The following IPO11 variants were observed in gnomAD, a reference collection of about 807,000 sequenced individuals.
The protein encoded by IPO11 is importin 11, also known as importin-11.
IPO11 carries 66 observed loss-of-function variants against 143.2 expected under a neutral mutation model. That is an observed-to-expected ratio of 0.46 (90% confidence interval 0.38 to 0.57). The LOEUF is 0.57. Among genes scored for constraint, IPO11 ranks in the 20% least tolerant of loss-of-function variants. The pLI is 0.00. For missense variants in IPO11, 1,026 were observed against 1,141.0 expected (o/e 0.90, Z 1.45); for synonymous variants, 385 against 377.8 (o/e 1.02, Z -0.22).
chr5:62,473,060 T>C (rs1745837735), intron 7 of IPO11, among the ~76,000 whole-genome samples: 1 of 152,212 alleles, frequency 6.6e-6, no homozygotes, highest in South Asian at 2.1e-4. Context: ...AACCTTTTGC[T>C]GTTTCATTGT....
chr5:62,614,195 C>G (rs1746040905), intron 29 of IPO11, among the ~76,000 whole-genome samples: 1 of 152,196 alleles, frequency 6.6e-6, no homozygotes, highest in African/African-American at 2.4e-5. Flanking sequence ...TTATTTATGA[C>G]TTTCTTTGAA....
At chr5:62,454,838 A>G (rs938112763) in intron 5 of IPO11, among the ~76,000 whole-genome samples, 69 of 152,338 alleles carry the variant, frequency 4.5e-4, no homozygotes, top group Non-Finnish European at 5.9e-4. Flanking sequence ...TGAATGAACA[A>G]TAGAACAGGA....
At chr5:62,566,737 CAAAA>C (rs753040992) in intron 27 of IPO11, among the ~76,000 whole-genome samples, 2 of 64,798 alleles carry the variant, frequency 3.1e-5, no homozygotes, top group African/African-American at 5.0e-5. Context: ...GACTCTGTCT[CAAAA>C]AAAAAAAAAA....
chr5:62,564,820 A>C (rs963332436), intron 27 of IPO11, among the ~76,000 whole-genome samples: 20 of 152,268 alleles, frequency 1.3e-4, no homozygotes, highest in Admixed American at 7.2e-4. Flanking sequence ...ACTCTAACCC[A>C]CTACTTTTGG....
rs985060824 is a variant in IPO11 at position 62,470,121 on chromosome 5, C to T, written c.650-129C>T. On this transcript the variant is annotated intron_variant, in intron 6 of 29. Coordinates refer to ENST00000325324, the MANE Select transcript of IPO11 (RefSeq NM_016338.5). ...CCCACTAATTTCCCAGCCAAATGAC[C>T]AGGAGTTAACTTTCCAACCCAGATT... The T allele has an allele frequency of 1.0e-5, 8 of 774,722 alleles. No homozygotes were observed. In the African/African-American group the frequency reaches 1.1e-4, roughly 10 times the overall value. 48.0% of individuals were successfully genotyped at this position (774,722 alleles called of 1,614,324 possible). A position where few individuals can be genotyped will look rare whatever the true frequency, so the allele number is the denominator to read the frequency against.
chr5:62,573,654 AT>A (rs1290699517), intron 27 of IPO11, among the ~76,000 whole-genome samples: 1 of 152,198 alleles, frequency 6.6e-6, no homozygotes, highest in East Asian at 1.9e-4. Flanking sequence ...AAGCTATAAG[AT>A]GTTTCAAAGG....
chr5:62,558,361 A>C (rs1743649223), intron 26 of IPO11, among the ~76,000 whole-genome samples: 1 of 152,234 alleles, frequency 6.6e-6, no homozygotes, highest in Admixed American at 6.5e-5. Context: ...TGAAGTGTTC[A>C]AGAACTACGT....
At chr5:62,551,449 A>G (rs1743388151) in intron 26 of IPO11, 113 bp downstream of exon 26, 2 of 566,740 alleles carry the variant, frequency 3.5e-6, no homozygotes, top group East Asian at 2.9e-5. Flanking sequence ...TTAGACCTTT[A>G]CATTTTAAAT....
At position 62,571,190 on chromosome 5, in the gene IPO11, G is replaced by A. The variant is rs1744121636; in HGVS notation, c.2582+9933G>A. 2.0e-5 allele frequency among the ~76,000 whole-genome samples: 3 copies of A among 152,170 alleles called. No homozygotes were observed. In the South Asian group the frequency reaches 6.2e-4, roughly 32 times the overall value. ...ATTTTATTTCATTTTATTTTTTGGA[G>A]ATTCTTTTCCTTGAGTTTCTGCTTT... On this transcript the variant is annotated intron_variant, in intron 27 of 29. Coordinates refer to ENST00000325324, the MANE Select transcript of IPO11 (RefSeq NM_016338.5).
chr5:62,537,430 T>C (rs1742772761), intron 24 of IPO11, 141 bp downstream of exon 24: 1 of 584,458 alleles, frequency 1.7e-6, no homozygotes, highest in Non-Finnish European at 3.1e-6. Flanking sequence ...TTTCAGTTGG[T>C]TTAATACCTG....
At chr5:62,443,741 A>G (rs904704251) in intron 3 of IPO11, among the ~76,000 whole-genome samples, 1 of 152,176 alleles carries the variant, frequency 6.6e-6, no homozygotes, top group African/African-American at 2.4e-5. Context: ...ATGGAGTAGT[A>G]TACATTTGTA....
intron 1 of IPO11, among the ~76,000 whole-genome samples, chr5:62,435,082 G>GTATATA (rs1561308691): frequency 8.5e-5 from 8 of 94,504 alleles, no homozygotes; most frequent in Non-Finnish European, 1.5e-4. Context: ...GTATATATAT[G>GTATATA]TGTATATATG....
intron 10 of IPO11, 163 bp downstream of exon 10, chr5:62,483,456 T>TAA: frequency 1.9e-6 from 1 of 524,120 alleles, no homozygotes; most frequent in Non-Finnish European, 3.3e-6. Context: ...ATGTTTATAC[T>TAA]AGCTTTTAAA....
At chr5:62,454,691 G>A (rs1745064240) in intron 5 of IPO11, among the ~76,000 whole-genome samples, 1 of 152,126 alleles carries the variant, frequency 6.6e-6, no homozygotes, top group Admixed American at 6.5e-5. Context: ...TTTCAGTGTA[G>A]TAGTTACCAC....
intron 16 of IPO11, among the ~76,000 whole-genome samples, chr5:62,497,657 C>T (rs183882448): frequency 2.5e-4 from 38 of 152,158 alleles, no homozygotes; most frequent in African/African-American, 8.2e-4. Context: ...TTTGTATAGA[C>T]GAGGTCTCAC....
intron 25 of IPO11, 127 bp downstream of exon 25, chr5:62,550,589 A>C (rs1743354850): frequency 6.6e-6 from 4 of 607,288 alleles, no homozygotes; most frequent in Non-Finnish European, 1.1e-5. Context: ...TTAAATTTTC[A>C]GGGCGGTTAG....
intron 2 of IPO11, among the ~76,000 whole-genome samples, chr5:62,441,496 C>CTTTTTTTTTTTT (rs995019567): frequency 2.1e-5 from 1 of 47,378 alleles, no homozygotes; most frequent in Non-Finnish European, 3.6e-5. Context: ...TGTGCCTGGC[C>CTTTTTTTTTTTT]TTTTTTTTTT....
chr5:62,563,604 A>T (rs370888772), intron 27 of IPO11, among the ~76,000 whole-genome samples: 3 of 152,156 alleles, frequency 2.0e-5, no homozygotes, highest in African/African-American at 7.2e-5. Flanking sequence ...AAATATTTGC[A>T]TATATATAAC....
chr5:62,552,689 A>T (rs951176161), intron 26 of IPO11, among the ~76,000 whole-genome samples: 1 of 152,118 alleles, frequency 6.6e-6, no homozygotes, highest in Non-Finnish European at 1.5e-5. Flanking sequence ...TGTTTCCATG[A>T]GGGGCCTGGT....
Sources: gnomAD v4.1 joint callset for allele counts (sites outside exome capture counted in the v4.1 genomes callset) on GRCh38, gnomAD v4.1.1 for gene constraint, MANE v1.5 for transcripts, NCBI Gene and HGNC (gene_info 2026-07-23, HGNC 2026-07-21) for gene names.